Variants in ZNF57 observed in about 807,000 individuals in gnomAD.
The protein encoded by ZNF57 is zinc finger protein 424.
A neutral mutation model predicts 13.4 loss-of-function variants in ZNF57; 11 were observed. The ratio of observed to expected loss-of-function variants is 0.82; its 90% CI spans 0.52 to 1.36. The LOEUF is 1.36. Ranked by LOEUF, ZNF57 falls within the 40% of genes most tolerant of loss-of-function variation. The probability of loss-of-function intolerance (pLI) is 0.00; values close to 1 mark genes in which losing one functional copy is unlikely to be tolerated. For missense variants in ZNF57, 696 were observed against 667.5 expected (o/e 1.04, Z -0.47); for synonymous variants, 224 against 238.5 (o/e 0.94, Z 0.56).
intron 1 of ZNF57, among the ~76,000 whole-genome samples, chr19:2,908,820 A>T (rs12608600): frequency 1.3e-5 from 2 of 151,810 alleles, no homozygotes; most frequent in Middle Eastern, 3.4e-3. Context: ...ATTGCCCCGG[A>T]GCCCCTCCAC....
At chr19:2,901,702 A>G (rs1031341584) in intron 1 of ZNF57, among the ~76,000 whole-genome samples, 2 of 151,932 alleles carry the variant, frequency 1.3e-5, no homozygotes, top group Admixed American at 6.6e-5. Flanking sequence ...TGTTTTTAGT[A>G]GAGACAGGGT....
chr19:2,916,379 T>G lies in ZNF57; in HGVS notation c.302+130T>G, dbSNP rs6510722. On this transcript the variant is annotated intron_variant, in intron 3 of 3. Transcript: ENST00000306908. ...TTTAACCAAAAAAAAAAATTTGTAT[T>G]TGACTAAGACATTGAGAATTTGAAA... 710,497 of 831,114 alleles carry G rather than the reference T, an allele frequency of 0.85. 305,079 individuals are homozygous for G. The highest frequency in any genetic ancestry group is 0.88 in the Non-Finnish European group (487,528 of 555,014). The allele number at this position is 831,114 out of a possible 1,614,324, so 51.5% of individuals were successfully genotyped here.
chr19:2,917,073 A>G lies in ZNF57; in HGVS notation c.452A>G (p.His151Arg), dbSNP rs765141567. The stretch of plus-strand genomic sequence containing the variant: ...ACCAAGTGCAGGACAGTCTTCACGC[A>G]TCTTTCTTCTCTTAAAAGGCACGTC... Reference protein sequence around the residue: ...ECTKCRTVFTHLSSLKRHVKS... With the variant: ...ECTKCRTVFTRLSSLKRHVKS... The change falls in exon 4 of 4, where the codon CAT (histidine) becomes CGT (arginine). Residue 151 changes from histidine (H) to arginine (R), a missense_variant. Physicochemically the swap from His to Arg is conservative, Grantham distance 29. Coordinates refer to ENST00000306908, the MANE Select transcript of ZNF57 (RefSeq NM_173480.3). 1.2e-6 allele frequency: 2 copies of G among 1,614,202 alleles called. No homozygotes were observed. Among genetic ancestry groups the G allele is most frequent in the South Asian group, 2.2e-5 (2 of 91,086 alleles).
At chr19:2,903,807 C>A (rs112089615) in intron 1 of ZNF57, among the ~76,000 whole-genome samples, 4,541 of 151,962 alleles carry the variant, frequency 0.03, 103 homozygotes, top group Middle Eastern at 0.1. Flanking sequence ...CTCCGCCCTC[C>A]GGGGTTCACG....
rs147235247 is a variant in ZNF57 at position 2,905,531 on chromosome 19, G to A, written c.3+4483G>A. 5.3e-4 allele frequency among the ~76,000 whole-genome samples: 80 copies of A among 150,460 alleles called. No individual in the cohort carries two copies. In the East Asian group the frequency reaches 0.014, roughly 26 times the overall value. On this transcript the variant is annotated intron_variant, in intron 1 of 3. Transcript: ENST00000306908. Reference sequence around the variant, plus strand: ...TTTTAGAATTGTCCCTCTACCGGCGGAGGCGGGCGGATCACGAGGTCAGGA... The same window carrying A: ...TTTTAGAATTGTCCCTCTACCGGCGAAGGCGGGCGGATCACGAGGTCAGGA...
At chr19:2,916,892 C>A in intron 3 of ZNF57, 32 bp from the exon 4 acceptor site, 1 of 1,523,150 alleles carries the variant, frequency 6.6e-7, no homozygotes, top group South Asian at 1.3e-5. Context: ...ACTAAACATA[C>A]CATACATAAA....
At chr19:2,906,925 A>T (rs2088080915) in intron 1 of ZNF57, among the ~76,000 whole-genome samples, 3 of 151,904 alleles carry the variant, frequency 2.0e-5, no homozygotes, top group Admixed American at 1.3e-4. Context: ...GCCACATGGG[A>T]GGACAGTGTC....
chr19:2,916,986 A>G lies in ZNF57; in HGVS notation c.365A>G (p.His122Arg), dbSNP rs758235985. 6.2e-7 allele frequency: 1 copy of G among 1,613,708 alleles called. No homozygotes were observed. The highest frequency in any genetic ancestry group is 1.1e-5 in the South Asian group (1 of 91,008). Residue 122 changes from histidine (H) to arginine (R), a missense_variant, in exon 4 of 4, where the codon CAT becomes CGT. Physicochemically the swap from His to Arg is conservative, Grantham distance 29. This residue lies in a region of ZNF57 where 645 missense variants were observed against 591.5 expected (regional missense o/e 1.09). Coordinates refer to ENST00000306908, the MANE Select transcript of ZNF57 (RefSeq NM_173480.3). ...NEGNQYGEAI[H>R]QMPDLTLHKK... ...GGTAATCAATATGGAGAAGCCATCC[A>G]TCAAATGCCAGATCTTACCCTGCAC...
At chr19:2,916,792 C>A (rs2088202962) in intron 3 of ZNF57, 132 bp from the exon 4 acceptor site, 3 of 717,678 alleles carry the variant, frequency 4.2e-6, no homozygotes, top group Non-Finnish European at 4.3e-6. Context: ...TATGTCTCTT[C>A]AAACAATTCA....
At chr19:2,913,352 T>G (rs1158288369) in intron 1 of ZNF57, among the ~76,000 whole-genome samples, 6 of 152,230 alleles carry the variant, frequency 3.9e-5, no homozygotes, top group Non-Finnish European at 8.8e-5. Flanking sequence ...TAATATTTAT[T>G]ATTTCCTTAC....
intron 1 of ZNF57, chr19:2,915,215 G>C: frequency 4.4e-6 from 1 of 227,538 alleles, no homozygotes; most frequent in South Asian, 6.9e-5. Context: ...TTGGACAACC[G>C]AGGCCTGCTG....
chr19:2,908,695 G>T (rs1000495396), intron 1 of ZNF57, among the ~76,000 whole-genome samples: 1 of 151,892 alleles, frequency 6.6e-6, no homozygotes, highest in Non-Finnish European at 1.5e-5. Context: ...GAGCCACTGC[G>T]CCCGGCCATT....
chr19:2,915,593 G>C lies in ZNF57; in HGVS notation c.75G>C (p.Gln25His). The change falls in exon 2 of 4, where the codon CAG (glutamine) becomes CAC (histidine). Residue 25 changes from glutamine to histidine, a missense_variant. Transcript: ENST00000306908. ...AGTGGGCTTTGCTGGATTCTGCTCAGAGGGACCTCTACAGAGATGTGATGC... is the reference window on the plus strand; with the variant it reads ...AGTGGGCTTTGCTGGATTCTGCTCACAGGGACCTCTACAGAGATGTGATGC... ...LEEWALLDSA[Q>H]RDLYRDVMLE... The C allele has an allele frequency of 6.2e-7, 1 of 1,614,084 alleles. No individual in the cohort carries two copies. The highest frequency in any genetic ancestry group is 1.6e-4 in the Middle Eastern group (1 of 6,062).
intron 1 of ZNF57, among the ~76,000 whole-genome samples, chr19:2,914,939 T>C (rs1296440171): frequency 6.6e-6 from 1 of 152,178 alleles, no homozygotes. Flanking sequence ...CATCCAACAG[T>C]GCTTTCCAAA....
At chr19:2,914,003 C>T (rs2088165674) in intron 1 of ZNF57, among the ~76,000 whole-genome samples, 2 of 152,138 alleles carry the variant, frequency 1.3e-5, no homozygotes, top group South Asian at 4.1e-4. Context: ...AGCAAAGGGT[C>T]TCTTTTACAG....
At chr19:2,914,052 GT>G (rs2088166056) in intron 1 of ZNF57, among the ~76,000 whole-genome samples, 1 of 152,286 alleles carries the variant, frequency 6.6e-6, no homozygotes, top group South Asian at 2.1e-4. Context: ...GTGTTTTGCT[GT>G]TGTTGGGTTC....
chr19:2,907,553 A>C (rs143388376), intron 1 of ZNF57, among the ~76,000 whole-genome samples: 305 of 152,242 alleles, frequency 2.0e-3, no homozygotes, highest in African/African-American at 7.1e-3. Context: ...ATTCTTTTCC[A>C]TTGGTTCGTT....
chr19:2,905,112 C>G (rs2088061126), intron 1 of ZNF57, among the ~76,000 whole-genome samples: 1 of 152,090 alleles, frequency 6.6e-6, no homozygotes, highest in African/African-American at 2.4e-5. Context: ...ACACAGCTTC[C>G]CATCCTTTTG....
chr19:2,913,296 AT>A (rs1383610414), intron 1 of ZNF57, among the ~76,000 whole-genome samples: 1 of 151,714 alleles, frequency 6.6e-6, no homozygotes, highest in Non-Finnish European at 1.5e-5. Flanking sequence ...GGTTTCATTG[AT>A]TTTTCTCTAT....
Sources: gnomAD v4.1 joint callset for allele counts (sites outside exome capture counted in the v4.1 genomes callset) on GRCh38, gnomAD v4.1.1 for gene constraint, gnomAD v4.1.1 regional missense constraint, MANE v1.5 for transcripts, NCBI Gene and HGNC (gene_info 2026-07-23, HGNC 2026-07-21) for gene names.